PPP1R1C: variants seen among roughly 807,000 people sequenced by gnomAD.
PPP1R1C encodes protein phosphatase 1 regulatory subunit 1C.
Under a neutral mutation model 17.4 loss-of-function variants are expected in PPP1R1C, and 15 were observed. The ratio of observed to expected loss-of-function variants is 0.86; its 90% CI spans 0.58 to 1.33. The LOEUF is 1.33. Ranked by LOEUF, PPP1R1C falls within the 40% of genes most tolerant of loss-of-function variation. PPP1R1C has a pLI of 0.00. For synonymous variants in PPP1R1C, 35 were observed against 43.1 expected (o/e 0.81, Z 0.73); for missense variants, 143 against 130.0 (o/e 1.10, Z -0.48).
intron 2 of PPP1R1C, among the ~76,000 whole-genome samples, chr2:182,056,852 T>C (rs1022746991): frequency 1.3e-5 from 2 of 152,198 alleles, no homozygotes; most frequent in African/African-American, 2.4e-5. Flanking sequence ...CAGAGGGAAG[T>C]CATACATCCT....
intron 2 of PPP1R1C, among the ~76,000 whole-genome samples, chr2:182,014,015 T>C (rs1005960728): frequency 6.6e-6 from 1 of 152,264 alleles, no homozygotes; most frequent in African/African-American, 2.4e-5. Context: ...TACATATCTC[T>C]GTCACTCCTG....
At chr2:182,015,317 G>T (rs1475234645) in intron 2 of PPP1R1C, among the ~76,000 whole-genome samples, 1 of 152,146 alleles carries the variant, frequency 6.6e-6, no homozygotes, top group Non-Finnish European at 1.5e-5. Flanking sequence ...CTTCCCTGCT[G>T]CCATGTAAGA....
At chr2:182,035,034 C>T (rs906280082) in intron 2 of PPP1R1C, among the ~76,000 whole-genome samples, 2 of 152,212 alleles carry the variant, frequency 1.3e-5, no homozygotes, top group African/African-American at 4.8e-5. Flanking sequence ...CAATACCTAG[C>T]CCAGTGCCTG....
chr2:182,039,499 C>G (rs994295630), intron 2 of PPP1R1C, among the ~76,000 whole-genome samples: 3 of 152,150 alleles, frequency 2.0e-5, no homozygotes, highest in African/African-American at 7.2e-5. Context: ...ATTCTCTAAC[C>G]TCAGCCTCCT....
intron 2 of PPP1R1C, among the ~76,000 whole-genome samples, chr2:182,051,421 G>C (rs781272433): frequency 6.6e-6 from 1 of 152,106 alleles, no homozygotes; most frequent in Admixed American, 6.5e-5. Flanking sequence ...GCCTATACAG[G>C]GAGAAGTGAT....
intron 2 of PPP1R1C, among the ~76,000 whole-genome samples, chr2:181,997,300 G>A (rs1378541823): frequency 6.6e-6 from 1 of 151,236 alleles, no homozygotes; most frequent in African/African-American, 2.4e-5. Context: ...TACACATGAT[G>A]CACACAGAGG....
At chr2:182,101,941 C>T (rs1430562878) in intron 4 of PPP1R1C, among the ~76,000 whole-genome samples, 2 of 152,024 alleles carry the variant, frequency 1.3e-5, no homozygotes, top group Non-Finnish European at 2.9e-5. Flanking sequence ...GAAGGCCTCC[C>T]TAGTAAAGCC....
intron 2 of PPP1R1C, among the ~76,000 whole-genome samples, chr2:182,021,617 G>A (rs915173557): frequency 6.6e-6 from 1 of 151,556 alleles, no homozygotes; most frequent in African/African-American, 2.4e-5. Flanking sequence ...TGAGCCTCAC[G>A]CCCAGCCAAA....
chr2:182,100,254 G>T (rs1006376199), intron 4 of PPP1R1C, among the ~76,000 whole-genome samples: 5 of 152,110 alleles, frequency 3.3e-5, no homozygotes, highest in African/African-American at 1.2e-4. Context: ...GCTCACCCCT[G>T]TAGTCCCGGC....
At chr2:181,979,423 C>T (rs1453000942) in intron 2 of PPP1R1C, among the ~76,000 whole-genome samples, 2 of 152,088 alleles carry the variant, frequency 1.3e-5, no homozygotes, top group Non-Finnish European at 1.5e-5. Context: ...TTTATACATC[C>T]TCAGATAATC....
chr2:182,119,820 G>A (rs1158193170), downstream of PPP1R1C, among the ~76,000 whole-genome samples: 1 of 152,142 alleles, frequency 6.6e-6, no homozygotes, highest in East Asian at 1.9e-4. Context: ...TTTGTCAGAT[G>A]AGTAGATTGC....
chr2:182,063,629 G>T, intron 3 of PPP1R1C, 102 bp from the exon 4 acceptor site: 1 of 877,906 alleles, frequency 1.1e-6, no homozygotes. Flanking sequence ...AAATCAGAAA[G>T]CTTTTCATAA....
chr2:182,056,286 G>A (rs1687682929), intron 2 of PPP1R1C, among the ~76,000 whole-genome samples: 1 of 152,142 alleles, frequency 6.6e-6, no homozygotes, highest in African/African-American at 2.4e-5. Flanking sequence ...GTCGACTTCT[G>A]GATCTAAAGA....
intron 5 of PPP1R1C, among the ~76,000 whole-genome samples, chr2:182,127,480 C>T (rs16822667): frequency 0.028 from 4,237 of 152,128 alleles, 186 homozygotes; most frequent in African/African-American, 0.097. Flanking sequence ...AATAGTGAAT[C>T]AAGACACCAA....
intron 2 of PPP1R1C, among the ~76,000 whole-genome samples, chr2:182,005,162 G>A (rs1167693116): frequency 6.6e-6 from 1 of 152,028 alleles, no homozygotes; most frequent in African/African-American, 2.4e-5. Context: ...TGATAACGTT[G>A]GCAATATATA....
chr2:182,040,209 G>C (rs1687140173), intron 2 of PPP1R1C, among the ~76,000 whole-genome samples: 1 of 152,112 alleles, frequency 6.6e-6, no homozygotes, highest in African/African-American at 2.4e-5. Context: ...TCTACTTTTA[G>C]TCCTTTGAGA....
At position 182,071,581 on chromosome 2, in the gene PPP1R1C, T is replaced by C. The variant is rs911363099; in HGVS notation, c.241+7790T>C. ...TGTACTCTTTGGAAGGAAGTCACTG[T>C]GTGTAGTACCCATTTAAAGAGTGGG... On this transcript the variant is annotated intron_variant, in intron 4 of 4. Transcript: ENST00000682840. Among the ~76,000 whole-genome samples the C allele has an allele frequency of 2.6e-5, 4 of 152,348 alleles. No homozygotes were observed. The East Asian group carries it at 7.7e-4, about 29-fold the overall frequency.
intron 2 of PPP1R1C, among the ~76,000 whole-genome samples, chr2:182,050,947 T>G (rs1687496198): frequency 6.6e-6 from 1 of 152,154 alleles, no homozygotes; most frequent in Non-Finnish European, 1.5e-5. Context: ...TTGAGTAACT[T>G]TAAAAAGAGA....
intron 1 of PPP1R1C, among the ~76,000 whole-genome samples, chr2:181,959,882 A>G (rs778752276): frequency 1.3e-5 from 2 of 152,160 alleles, no homozygotes; most frequent in Non-Finnish European, 2.9e-5. Context: ...TATCCAGTTA[A>G]TAATGTTTTT....
Sources: gnomAD v4.1 joint callset for allele counts (sites outside exome capture counted in the v4.1 genomes callset) on GRCh38, gnomAD v4.1.1 for gene constraint, MANE v1.5 for transcripts, NCBI Gene and HGNC (gene_info 2026-07-23, HGNC 2026-07-21) for gene names.